MTHFD2L: variants seen among roughly 807,000 people sequenced by gnomAD.
MTHFD2L encodes methylenetetrahydrofolate dehydrogenase (NADP+ dependent) 2 like.
Under a neutral mutation model 34.9 loss-of-function variants are expected in MTHFD2L, and 29 were observed. The ratio of observed to expected loss-of-function variants is 0.83; its 90% CI spans 0.62 to 1.13. MTHFD2L has a LOEUF of 1.13. Among genes scored for constraint, MTHFD2L ranks in the 50% most tolerant of loss-of-function variants. The pLI is 0.00. For synonymous variants in MTHFD2L, 167 were observed against 155.7 expected (o/e 1.07, Z -0.54); for missense variants, 481 against 446.5 (o/e 1.08, Z -0.70).
chr4:74,264,466 C>T (rs987581374), intron 6 of MTHFD2L, among the ~76,000 whole-genome samples: 3 of 151,434 alleles, frequency 2.0e-5, no homozygotes, highest in South Asian at 4.2e-4. Flanking sequence ...CTCCCTTATT[C>T]GATTACCATG....
At chr4:74,294,709 A>G (rs1423435358) in intron 7 of MTHFD2L, among the ~76,000 whole-genome samples, 1 of 152,052 alleles carries the variant, frequency 6.6e-6, no homozygotes, top group Non-Finnish European at 1.5e-5. Flanking sequence ...ATATGAAAGA[A>G]CCTCTGCACT....
rs1457863353 is a variant in MTHFD2L at position 74,180,137 on chromosome 4, T to C, written c.451+4734T>C. Among the ~76,000 whole-genome samples the C allele has an allele frequency of 2.0e-5, 3 of 152,140 alleles. No individual in the cohort carries two copies. The East Asian group carries it at 5.8e-4, about 29-fold the overall frequency. On this transcript the variant is annotated intron_variant, in intron 3 of 7. Transcript: ENST00000325278. The stretch of plus-strand genomic sequence containing the variant: ...AAGACAGGCTGGGAAATACAAAAAT[T>C]GTCTCTTGGTTATGAAACTCAACTG...
At chr4:74,296,290 TG>T (rs1303239123) in intron 7 of MTHFD2L, among the ~76,000 whole-genome samples, 1 of 152,152 alleles carries the variant, frequency 6.6e-6, no homozygotes, top group African/African-American at 2.4e-5. Flanking sequence ...TAATCAAATC[TG>T]TGTTTTAAAG....
At chr4:74,197,464 T>C (rs1733683989) in intron 3 of MTHFD2L, among the ~76,000 whole-genome samples, 1 of 152,206 alleles carries the variant, frequency 6.6e-6, no homozygotes, top group Non-Finnish European at 1.5e-5. Context: ...AATAGTGTTA[T>C]ATTTGGAGCC....
In MTHFD2L at chr4:74,199,785, A is replaced by G. The variant is rs771838049; in HGVS notation, c.452-9A>G. Reference sequence around the variant, plus strand: ...TTTTAAAATTAGACAAATTTTATTTATTTTTCAGACCACGTTGATGAGCGA... The same window carrying G: ...TTTTAAAATTAGACAAATTTTATTTGTTTTTCAGACCACGTTGATGAGCGA... On this transcript the variant is annotated splice_polypyrimidine_tract_variant and intron_variant, in intron 3 of 7. Coordinates refer to ENST00000325278, the MANE Select transcript of MTHFD2L (RefSeq NM_001144978.3). 1 of 1,580,998 alleles carries G rather than the reference A, an allele frequency of 6.3e-7. No individual in the cohort carries two copies. Among genetic ancestry groups the G allele is most frequent in the Non-Finnish European group, 8.6e-7 (1 of 1,166,708 alleles).
intron 1 of MTHFD2L, among the ~76,000 whole-genome samples, chr4:74,172,816 C>T (rs1044907371): frequency 2.0e-5 from 3 of 152,160 alleles, no homozygotes; most frequent in Non-Finnish European, 4.4e-5. Context: ...GAGATGAATG[C>T]AGTGGAAGAC....
At chr4:74,196,548 G>A (rs531175858) in intron 3 of MTHFD2L, among the ~76,000 whole-genome samples, 2 of 152,266 alleles carry the variant, frequency 1.3e-5, no homozygotes, top group South Asian at 4.1e-4. Context: ...AAACAGTAAT[G>A]TTGTAAAAAT....
Position 74,302,630 on chromosome 4 carries a change from G to C in MTHFD2L, c.*821G>C, listed in dbSNP as rs1416493279. The stretch of plus-strand genomic sequence containing the variant: ...GGAAAAATAAAAAAATAAGTAAACA[G>C]AAAAAACTAAAGTTGTATTTTCCCA... On this transcript the variant is annotated 3_prime_UTR_variant, in exon 8 of 8. Transcript: ENST00000325278. 6.6e-6 allele frequency: 1 copy of C among 152,040 alleles called. No homozygotes were observed. The highest frequency in any genetic ancestry group is 2.4e-5 in the African/African-American group (1 of 41,430). 9.4% of individuals were successfully genotyped at this position (152,040 alleles called of 1,614,324 possible). A position where few individuals can be genotyped will look rare whatever the true frequency, so the allele number is the denominator to read the frequency against.
intron 1 of MTHFD2L, among the ~76,000 whole-genome samples, chr4:74,152,889 A>G (rs1724027807): frequency 6.6e-6 from 1 of 152,268 alleles, no homozygotes; most frequent in African/African-American, 2.4e-5. Flanking sequence ...ACTCTGGGAC[A>G]GAAAATATAA....
intron 6 of MTHFD2L, among the ~76,000 whole-genome samples, chr4:74,244,520 T>G (rs928608049): frequency 1.8e-4 from 27 of 152,182 alleles, no homozygotes; most frequent in Non-Finnish European, 2.4e-4. Context: ...ACTTATATGT[T>G]TTTTTCTCAT....
rs79465705 is a variant in MTHFD2L at position 74,159,676 on chromosome 4, C to G, written c.143+1395C>G. Among the ~76,000 whole-genome samples, 757 of 152,290 alleles carry G rather than the reference C, an allele frequency of 5.0e-3. 9 individuals are homozygous for G. Among genetic ancestry groups the G allele is most frequent in the African/African-American group, 0.017 (719 of 41,542 alleles). ...CCCTTGCTTTGTACACACACACCAA[C>G]TCATGTAGAATTCAAAACTTTTAAG... is the stretch of plus-strand genomic sequence containing the variant. On this transcript the variant is annotated intron_variant, in intron 1 of 7. Transcript: ENST00000325278.
chr4:74,164,051 A>G lies in MTHFD2L; in HGVS notation c.143+5770A>G, dbSNP rs1373671165. On this transcript the variant is annotated intron_variant, in intron 1 of 7. Coordinates refer to ENST00000325278, the MANE Select transcript of MTHFD2L (RefSeq NM_001144978.3). Reference sequence around the variant, plus strand: ...CCACCACGCCCGGCTAATTTTTTGTATTTTTAGTAGGGACGGGGTTTCACC... The same window carrying G: ...CCACCACGCCCGGCTAATTTTTTGTGTTTTTAGTAGGGACGGGGTTTCACC... Among the ~76,000 whole-genome samples the G allele has an allele frequency of 2.0e-5, 3 of 151,934 alleles. No homozygotes were observed. The South Asian group carries it at 6.2e-4, about 31-fold the overall frequency.
intron 6 of MTHFD2L, among the ~76,000 whole-genome samples, chr4:74,264,487 A>T (rs1745055974): frequency 6.6e-6 from 1 of 151,914 alleles, no homozygotes; most frequent in East Asian, 1.9e-4. Context: ...CTTTAAAAAC[A>T]TTTCAATATT....
chr4:74,297,255 A>C (rs1397629833), intron 7 of MTHFD2L, among the ~76,000 whole-genome samples: 3 of 152,086 alleles, frequency 2.0e-5, no homozygotes, highest in Non-Finnish European at 4.4e-5. Context: ...CATTCTCCAG[A>C]GCAAGTTTAA....
At chr4:74,214,268 A>G (rs905144788) in intron 5 of MTHFD2L, among the ~76,000 whole-genome samples, 12 of 151,818 alleles carry the variant, frequency 7.9e-5, no homozygotes, top group Non-Finnish European at 1.3e-4. Flanking sequence ...AGGAATTGTG[A>G]TCCTTTGGAG....
At chr4:74,239,674 CAT>C (rs1231358047) in intron 6 of MTHFD2L, among the ~76,000 whole-genome samples, 2 of 152,102 alleles carry the variant, frequency 1.3e-5, no homozygotes, top group African/African-American at 4.8e-5. Context: ...TCAAATAACT[CAT>C]AGTTTTTCTC....
At chr4:74,280,883 G>A (rs893639576) in intron 6 of MTHFD2L, among the ~76,000 whole-genome samples, 36 of 152,062 alleles carry the variant, frequency 2.4e-4, no homozygotes, top group African/African-American at 8.0e-4. Context: ...CACATTTGGA[G>A]TTGATGAGAT....
chr4:74,264,324 A>G (rs1022608232), intron 6 of MTHFD2L, among the ~76,000 whole-genome samples: 4 of 152,032 alleles, frequency 2.6e-5, no homozygotes, highest in African/African-American at 9.7e-5. Flanking sequence ...TGAAAAACCT[A>G]CTAAAATTAT....
intron 6 of MTHFD2L, among the ~76,000 whole-genome samples, chr4:74,259,584 T>C (rs1434053954): frequency 6.6e-6 from 1 of 152,188 alleles, no homozygotes; most frequent in African/African-American, 2.4e-5. Flanking sequence ...GCCCCATAGT[T>C]CTTCCTAAGA....
Sources: gnomAD v4.1 joint callset for allele counts (sites outside exome capture counted in the v4.1 genomes callset) on GRCh38, gnomAD v4.1.1 for gene constraint, MANE v1.5 for transcripts, NCBI Gene and HGNC (gene_info 2026-07-23, HGNC 2026-07-21) for gene names.